ZNF41: variants seen among roughly 807,000 people sequenced by gnomAD.
ZNF41 encodes the protein zinc finger protein 41.
Under a neutral mutation model 9.3 loss-of-function variants are expected in ZNF41, and 6 were observed. The observed-to-expected ratio is 0.65, with a 90% confidence interval of 0.35 to 1.28. The LOEUF (loss-of-function observed/expected upper bound fraction) is 1.28, where lower values mean the gene tolerates loss of function less well. ZNF41 is among the 50% of genes most tolerant of loss of function. The probability of loss-of-function intolerance (pLI) is 0.03; values close to 1 mark genes in which losing one functional copy is unlikely to be tolerated. For missense variants in ZNF41, 523 were observed against 585.8 expected, an observed-to-expected ratio of 0.89 and a Z score of 1.11; for synonymous variants, 192 against 207.1, an observed-to-expected ratio of 0.93 and a Z score of 0.63.
rs1220819090 is a variant in ZNF41 at position 47,447,051 on chromosome X, A to G, written c.*379T>C. On this transcript the variant is annotated 3_prime_UTR_variant, in exon 5 of 5. Coordinates refer to ENST00000684689, the MANE Select transcript of ZNF41 (RefSeq NM_001324144.2). The stretch of plus-strand genomic sequence containing the variant: ...TTATGTCCCAGGATATGCTGAACCA[A>G]TCAGTACTGAATTTAAAAAGTTCTT... 3.6e-5 allele frequency: 7 copies of G among 192,899 alleles called. No homozygotes were observed. Among genetic ancestry groups the G allele is most frequent in the African/African-American group, 1.8e-4 (6 of 33,388 alleles). 15.9% of individuals were successfully genotyped at this position (192,899 alleles called of 1,213,427 possible).
intron 1 of ZNF41, among the ~76,000 whole-genome samples, chrX:47,481,752 T>C (rs757418905): frequency 8.9e-6 from 1 of 111,868 alleles, no homozygotes; most frequent in Non-Finnish European, 1.9e-5. Flanking sequence ...TATTATAAAA[T>C]AAAATGACTG....
At chrX:47,450,368 G>A (rs2056317276) in intron 4 of ZNF41, among the ~76,000 whole-genome samples, 1 of 110,290 alleles carries the variant, frequency 9.1e-6, no homozygotes, top group African/African-American at 3.3e-5. Context: ...GCACCACCAC[G>A]CCCAGCTAAT....
rs1249910408 is a variant in ZNF41 at position 47,448,244 on chromosome X, T to A, written c.1526A>T (p.Asn509Ile). ...ATGAGTTTTCTGATGTGTGGTGAGG[T>A]TTGTCCTGTGAGTGAAGACCTTTCC... ...ECGKVFTHRT[N>I]LTTHQKTHTG... The change falls in exon 5 of 5, where the codon AAC (asparagine) becomes ATC (isoleucine). Residue 509 changes from asparagine to isoleucine, a missense_variant. Physicochemically the swap from Asn to Ile is moderately radical, Grantham distance 149 (BLOSUM62 -3). Transcript: ENST00000684689. 1.7e-6 allele frequency: 2 copies of A among 1,211,691 alleles called. No individual in the cohort carries two copies. The highest frequency in any genetic ancestry group is 2.2e-6 in the Non-Finnish European group (2 of 895,519).
Position 47,448,097 on chromosome X carries a change from T to C in ZNF41, c.1673A>G (p.Lys558Arg). ...EKPYKCNGCG[K>R]AFIWKSRLKI... is the part of the protein sequence containing the mutation. ...GAGGCGCGACTTCCATATGAAGGCTTTTCCACAGCCATTGCACTTATAGGG... is the reference window on the plus strand; with the variant it reads ...GAGGCGCGACTTCCATATGAAGGCTCTTCCACAGCCATTGCACTTATAGGG... The change falls in exon 5 of 5, where the codon AAA (lysine) becomes AGA (arginine). Residue 558 changes from lysine to arginine, a missense_variant. Transcript: ENST00000684689. 8.3e-7 allele frequency: 1 copy of C among 1,211,605 alleles called. No individual in the cohort carries two copies. The highest frequency in any genetic ancestry group is 1.1e-6 in the Non-Finnish European group (1 of 895,514).
At chrX:47,459,282 G>A (rs751608156) in intron 2 of ZNF41, among the ~76,000 whole-genome samples, 2 of 109,761 alleles carry the variant, frequency 1.8e-5, no homozygotes, top group African/African-American at 6.6e-5. Context: ...CCTGGAAGGC[G>A]GAGGTTGCAG....
Position 47,447,566 on chromosome X carries a change from C to A in ZNF41, c.2204G>T (p.Ser735Ile). The A allele has an allele frequency of 8.3e-7, 1 of 1,211,936 alleles. No homozygotes were observed. Among genetic ancestry groups the A allele is most frequent in the Non-Finnish European group, 1.1e-6 (1 of 895,587 alleles). ...GKAFIQKATL[S>I]MHQIIHTGKK... ...TCCTGTATGAATTATCTGATGCATACTTAGTGTGGCTTTCTGGATGAAAGC... is the reference window on the plus strand; with the variant it reads ...TCCTGTATGAATTATCTGATGCATAATTAGTGTGGCTTTCTGGATGAAAGC... Residue 735 changes from serine (S) to isoleucine (I), a missense_variant, in exon 5 of 5, where the codon AGT becomes ATT. Transcript: ENST00000684689.
At chrX:47,476,138 A>G (rs2057326998) in intron 1 of ZNF41, among the ~76,000 whole-genome samples, 1 of 111,217 alleles carries the variant, frequency 9.0e-6, no homozygotes, top group Non-Finnish European at 1.9e-5. Flanking sequence ...GGATCACTTG[A>G]GGCCAGGAGC....
chrX:47,468,275 A>G (rs1374996543), intron 1 of ZNF41, among the ~76,000 whole-genome samples: 1 of 111,665 alleles, frequency 9.0e-6, no homozygotes, highest in Non-Finnish European at 1.9e-5. Context: ...TACTCTATAC[A>G]TGGCAGAATC....
At chrX:47,481,350 T>C (rs1041140611) in intron 1 of ZNF41, among the ~76,000 whole-genome samples, 2 of 111,204 alleles carry the variant, frequency 1.8e-5, no homozygotes, top group East Asian at 2.8e-4. Flanking sequence ...GGTGGGAGGG[T>C]CACTTGAGCC....
chrX:47,458,802 G>A (rs1247775720), intron 2 of ZNF41, among the ~76,000 whole-genome samples: 1 of 94,780 alleles, frequency 1.1e-5, no homozygotes, highest in African/African-American at 4.0e-5. Flanking sequence ...TTTGTATTTT[G>A]TAGAGACAGG....
intron 1 of ZNF41, among the ~76,000 whole-genome samples, chrX:47,469,146 C>T (rs1240321931): frequency 3.9e-5 from 4 of 103,313 alleles, no homozygotes; most frequent in African/African-American, 1.4e-4. Flanking sequence ...CCCGTCTCTA[C>T]TAAAAATACA....
chrX:47,465,640 G>C (rs1476055874), intron 2 of ZNF41, among the ~76,000 whole-genome samples: 1 of 109,986 alleles, frequency 9.1e-6, no homozygotes, highest in Non-Finnish European at 1.9e-5. Context: ...AAGATCACTT[G>C]ACCCCAGGAG....
intron 4 of ZNF41, among the ~76,000 whole-genome samples, chrX:47,451,441 C>G (rs140566728): frequency 0.051 from 5,732 of 112,186 alleles, 366 homozygotes; most frequent in African/African-American, 0.18. Flanking sequence ...GATTATTACA[C>G]ATCGTATGCT....
intron 1 of ZNF41, among the ~76,000 whole-genome samples, chrX:47,474,043 T>TA (rs1242889103): frequency 8.9e-6 from 1 of 112,211 alleles, no homozygotes; most frequent in Non-Finnish European, 1.9e-5. Context: ...GGTGAATGGC[T>TA]AAACAAACTG....
chrX:47,468,767 C>A (rs181316302), intron 1 of ZNF41, among the ~76,000 whole-genome samples: 12 of 111,601 alleles, frequency 1.1e-4, no homozygotes, highest in Non-Finnish European at 2.3e-4. Flanking sequence ...CAATCATTCA[C>A]CACCTTAGCA....
At chrX:47,458,816 C>T (rs2056670177) in intron 2 of ZNF41, among the ~76,000 whole-genome samples, 1 of 104,324 alleles carries the variant, frequency 9.6e-6, no homozygotes, top group South Asian at 4.5e-4. Flanking sequence ...AGACAGGGGT[C>T]TCCCTATGTT....
intron 2 of ZNF41, among the ~76,000 whole-genome samples, chrX:47,458,702 G>A (rs2056661162): frequency 9.0e-6 from 1 of 111,061 alleles, no homozygotes; most frequent in Non-Finnish European, 1.9e-5. Context: ...AGGCTAGGGT[G>A]CAGTGGCGCA....
intron 2 of ZNF41, among the ~76,000 whole-genome samples, chrX:47,463,910 C>T (rs990232291): frequency 3.6e-5 from 4 of 111,674 alleles, no homozygotes. Flanking sequence ...TTTCACATTT[C>T]TTGTTCCCTG....
chrX:47,457,076 G>A (rs1416843243), intron 2 of ZNF41, among the ~76,000 whole-genome samples: 1 of 111,739 alleles, frequency 8.9e-6, no homozygotes, highest in African/African-American at 3.2e-5. Context: ...TTATATGCAG[G>A]AAAAGACATG....
Sources: allele counts gnomAD v4.1 joint callset (sites outside exome capture counted in the v4.1 genomes callset), GRCh38; gene constraint gnomAD v4.1.1; transcripts MANE v1.5; gene names NCBI Gene and HGNC (gene_info 2026-07-23, HGNC 2026-07-21).